Variants in MRPL57 observed in about 807,000 individuals in gnomAD.
MRPL57 encodes large ribosomal subunit protein mL63.
MRPL57 carries 1 observed loss-of-function variant against 1.3 expected under a neutral mutation model. The observed-to-expected ratio is 0.79, with a 90% CI of 0.28 to 3.75. The LOEUF (loss-of-function observed/expected upper bound fraction) is 3.75. Among genes scored for constraint, MRPL57 ranks in the 30% most tolerant of loss-of-function variants. The probability of loss-of-function intolerance (pLI) is 0.19; values close to 1 mark genes in which losing one functional copy is unlikely to be tolerated. For missense variants in MRPL57, 170 were observed against 148.9 expected, an observed-to-expected ratio of 1.14 and a Z score of -0.74; for synonymous variants, 79 against 61.7, an observed-to-expected ratio of 1.28 and a Z score of -1.31.
Position 21,177,351 on chromosome 13 carries a change from A to C in MRPL57, c.*126A>C. On this transcript the variant is annotated 3_prime_UTR_variant, in exon 2 of 2. Transcript: ENST00000309594. ...GACCAGTCTTTATTAAAACAAACAA[A>C]CATGAGTAGTCTGCATATCGAATAT... 1 of 961,230 alleles carries C rather than the reference A, an allele frequency of 1.0e-6. No individual in the cohort carries two copies. Among genetic ancestry groups the C allele is most frequent in the South Asian group, 1.5e-5 (1 of 66,256 alleles). The allele number at this position is 961,230 out of a possible 1,614,324, so 59.5% of individuals were successfully genotyped here.
Position 21,178,131 on chromosome 13 carries a change from C to T in MRPL57, c.*906C>T, listed in dbSNP as rs945196929. Reference sequence around the variant, plus strand: ...CCAGCTTGGGCAACATAGCGAGACCCTATCTAAAATAACAATAATATATGG... The same window carrying T: ...CCAGCTTGGGCAACATAGCGAGACCTTATCTAAAATAACAATAATATATGG... On this transcript the variant is annotated 3_prime_UTR_variant, in exon 2 of 2. Transcript: ENST00000309594. 2 of 164,894 alleles carry T rather than the reference C, an allele frequency of 1.2e-5. No individual in the cohort carries two copies. Among genetic ancestry groups the T allele is most frequent in the Non-Finnish European group, 2.9e-5 (2 of 68,124 alleles). The allele number at this position is 164,894 out of a possible 1,614,324, so 10.2% of individuals were successfully genotyped here.
chr13:21,176,676 G>C lies in MRPL57; in HGVS notation c.-47G>C, dbSNP rs1428767536. 1.2e-5 allele frequency: 8 copies of C among 666,590 alleles called. No homozygotes were observed. Among genetic ancestry groups the C allele is most frequent in the Non-Finnish European group, 2.0e-5 (8 of 408,492 alleles). 41.3% of individuals were successfully genotyped at this position (666,590 alleles called of 1,614,324 possible). On this transcript the variant is annotated 5_prime_UTR_variant, in exon 1 of 2. Transcript: ENST00000309594. ...CGGGTGCGCTTACGCCACGGCGTCT[G>C]CTGGCGGCCGCGGAGACGCAGAGTC...
In MRPL57 at chr13:21,177,320, C is replaced by T. The variant is rs1020948748; in HGVS notation, c.*95C>T. ...AAACTGTAGCTTGTGTGAAAATGAG[C>T]CTTTGGACCAGTCTTTATTAAAACA... On this transcript the variant is annotated 3_prime_UTR_variant, in exon 2 of 2. Transcript: ENST00000309594. The T allele has an allele frequency of 7.7e-7, 1 of 1,295,524 alleles. No individual in the cohort carries two copies. Among genetic ancestry groups the T allele is most frequent in the East Asian group, 2.4e-5 (1 of 41,288 alleles). 80.3% of individuals were successfully genotyped at this position (1,295,524 alleles called of 1,614,324 possible).
rs1595312101 is a variant in MRPL57, at chr13:21,178,192, T to A, written c.*967T>A. On this transcript the variant is annotated 3_prime_UTR_variant, in exon 2 of 2. Coordinates refer to ENST00000309594, the MANE Select transcript of MRPL57 (RefSeq NM_024026.5). ...TGGCTCACGCCTGTAATCCCAGCAC[T>A]TTGGGAGGCTGAGGCGGGCAGATCA... 6.5e-6 allele frequency: 1 copy of A among 153,928 alleles called. No individual in the cohort carries two copies. Among genetic ancestry groups the A allele is most frequent in the African/African-American group, 2.4e-5 (1 of 41,380 alleles). The allele number at this position is 153,928 out of a possible 1,614,324, so 9.5% of individuals were successfully genotyped here. A position where few individuals can be genotyped will look rare whatever the true frequency, so the allele number is the denominator to read the frequency against.
chr13:21,176,965 T>A lies in MRPL57; in HGVS notation c.49T>A (p.Trp17Arg). Residue 17 changes from tryptophan (W) to arginine (R), a missense_variant, in exon 2 of 2, where the codon TGG becomes AGG. Trp to Arg is a moderately radical substitution (Grantham distance 101). Coordinates refer to ENST00000309594, the MANE Select transcript of MRPL57 (RefSeq NM_024026.5). ...GCGCGGCCGCATTCCCGGCCGTCAG[T>A]GGATCGGGAAGCACCGGCGGCCGCG... Reference protein sequence around the residue: ...LWRGRIPGRQWIGKHRRPRFV... With the variant: ...LWRGRIPGRQRIGKHRRPRFV... 2 of 1,611,912 alleles carry A rather than the reference T, an allele frequency of 1.2e-6. No homozygotes were observed. Among genetic ancestry groups the A allele is most frequent in the Non-Finnish European group, 1.7e-6 (2 of 1,179,796 alleles).
At chr13:21,176,739 G>A in intron 1 of MRPL57, 22 bp downstream of exon 1, 1 of 714,670 alleles carries the variant, frequency 1.4e-6, no homozygotes, top group Non-Finnish European at 2.3e-6. Context: ...TGCGAATTCG[G>A]TTCTCTAGGG....
In MRPL57 at chr13:21,177,076, A is replaced by AT; in HGVS notation, c.161dup (p.Met54IlefsTer33). 6.2e-7 allele frequency: 1 copy of AT among 1,613,804 alleles called. No individual in the cohort carries two copies. Among genetic ancestry groups the AT allele is most frequent in the Non-Finnish European group, 8.5e-7 (1 of 1,179,992 alleles). On this transcript the variant is annotated frameshift_variant, in exon 2 of 2. Coordinates refer to ENST00000309594, the MANE Select transcript of MRPL57 (RefSeq NM_024026.5). LOFTEE classifies it low-confidence loss of function (END_TRUNC). ...CCATTACTGGCTGAGCATGCCCTAC[A>AT]TGACCCGGGAGCAGGAGCGCGGCCA...
In MRPL57 at chr13:21,178,231, G is replaced by T. The variant is rs888653851; in HGVS notation, c.*1006G>T. On this transcript the variant is annotated 3_prime_UTR_variant, in exon 2 of 2. Coordinates refer to ENST00000309594, the MANE Select transcript of MRPL57 (RefSeq NM_024026.5). ...GCGGGCAGATCACTTGAGGCCAGGA[G>T]TTCAAGACCAGCCCAACCAACATGG... The T allele has an allele frequency of 2.0e-5, 3 of 152,386 alleles. No homozygotes were observed. The highest frequency in any genetic ancestry group is 7.3e-5 in the African/African-American group (3 of 41,328). The allele number at this position is 152,386 out of a possible 1,614,324, so 9.4% of individuals were successfully genotyped here.
At position 21,179,067 on chromosome 13, in the gene MRPL57, A is replaced by G. The variant is rs1414491205; in HGVS notation, c.*1842A>G. 3 of 167,154 alleles carry G rather than the reference A, an allele frequency of 1.8e-5. No homozygotes were observed. Among genetic ancestry groups the G allele is most frequent in the Non-Finnish European group, 4.4e-5 (3 of 68,138 alleles). 10.4% of individuals were successfully genotyped at this position (167,154 alleles called of 1,614,324 possible). ...TTGAAGATGTTCGCTTTCAGAATAT[A>G]ATAAAAATAGTCAAAAACTTTGTGT... On this transcript the variant is annotated 3_prime_UTR_variant, in exon 2 of 2. Transcript: ENST00000309594.
Position 21,177,138 on chromosome 13 carries a change from A to G in MRPL57, c.222A>G (p.Ile74Met). The G allele has an allele frequency of 1.9e-6, 3 of 1,613,964 alleles. No individual in the cohort carries two copies. The highest frequency in any genetic ancestry group is 1.7e-6 in the Non-Finnish European group (2 of 1,180,014). ...GCAGGAGGGAGGCCTTCGAGGCCAT[A>G]AAGGCGGCCGCCACTTCCAAGTTCC... ...AVRRREAFEA[I>M]KAAATSKFPP... The change falls in exon 2 of 2, where the codon ATA becomes ATG. Residue 74 changes from isoleucine (I) to methionine (M), a missense_variant. Physicochemically the swap from Ile to Met is conservative, Grantham distance 10 (BLOSUM62 1). Coordinates refer to ENST00000309594, the MANE Select transcript of MRPL57 (RefSeq NM_024026.5).
Position 21,176,998 on chromosome 13 carries a change from T to C in MRPL57, c.82T>C (p.Ser28Pro). The part of the protein sequence containing the change: ...IGKHRRPRFV[S>P]LRAKQNMIRR... ...GAAGCACCGGCGGCCGCGGTTCGTGTCGTTGCGCGCCAAGCAGAACATGAT... is the reference window on the plus strand; with the variant it reads ...GAAGCACCGGCGGCCGCGGTTCGTGCCGTTGCGCGCCAAGCAGAACATGAT... The change falls in exon 2 of 2, where the codon TCG (serine) becomes CCG (proline). Residue 28 changes from serine (S) to proline (P), a missense_variant. Coordinates refer to ENST00000309594, the MANE Select transcript of MRPL57 (RefSeq NM_024026.5). The C allele has an allele frequency of 6.8e-6, 11 of 1,612,532 alleles. No individual in the cohort carries two copies. Among genetic ancestry groups the C allele is most frequent in the Non-Finnish European group, 9.3e-6 (11 of 1,179,910 alleles).
At position 21,179,059 on chromosome 13, in the gene MRPL57, C is replaced by A. The variant is rs1374101953; in HGVS notation, c.*1834C>A. On this transcript the variant is annotated 3_prime_UTR_variant, in exon 2 of 2. Coordinates refer to ENST00000309594, the MANE Select transcript of MRPL57 (RefSeq NM_024026.5). ...TTTACCAGTTGAAGATGTTCGCTTTCAGAATATAATAAAAATAGTCAAAAA... is the reference window on the plus strand; with the variant it reads ...TTTACCAGTTGAAGATGTTCGCTTTAAGAATATAATAAAAATAGTCAAAAA... The A allele has an allele frequency of 4.2e-5, 7 of 166,998 alleles. No individual in the cohort carries two copies. The highest frequency in any genetic ancestry group is 5.9e-5 in the Non-Finnish European group (4 of 68,122). The allele number at this position is 166,998 out of a possible 1,614,324, so 10.3% of individuals were successfully genotyped here.
In MRPL57 at chr13:21,176,666, C is replaced by A; in HGVS notation, c.-57C>A. The A allele has an allele frequency of 1.5e-6, 1 of 677,988 alleles. No individual in the cohort carries two copies. The highest frequency in any genetic ancestry group is 2.4e-6 in the Non-Finnish European group (1 of 416,812). The allele number at this position is 677,988 out of a possible 1,614,324, so 42.0% of individuals were successfully genotyped here. On this transcript the variant is annotated 5_prime_UTR_variant, in exon 1 of 2. Coordinates refer to ENST00000309594, the MANE Select transcript of MRPL57 (RefSeq NM_024026.5). Reference sequence around the variant, plus strand: ...CCCCGCGAGACGGGTGCGCTTACGCCACGGCGTCTGCTGGCGGCCGCGGAG... The same window carrying A: ...CCCCGCGAGACGGGTGCGCTTACGCAACGGCGTCTGCTGGCGGCCGCGGAG...
rs879069039 is a variant in MRPL57, at chr13:21,177,384, T to G, written c.*159T>G. 1.5e-5 allele frequency: 9 copies of G among 615,760 alleles called. No homozygotes were observed. The highest frequency in any genetic ancestry group is 2.3e-5 in the Non-Finnish European group (9 of 385,596). 38.1% of individuals were successfully genotyped at this position (615,760 alleles called of 1,614,324 possible). A position where few individuals can be genotyped will look rare whatever the true frequency, so the allele number is the denominator to read the frequency against. ...AGTCTGCATATCGAATATCTAGAGCTCTAAACCCCCAATACTTAAAAGTCT... is the reference window on the plus strand; with the variant it reads ...AGTCTGCATATCGAATATCTAGAGCGCTAAACCCCCAATACTTAAAAGTCT... On this transcript the variant is annotated 3_prime_UTR_variant, in exon 2 of 2. Transcript: ENST00000309594.
chr13:21,176,885 C>T lies in MRPL57; in HGVS notation c.-5-27C>T, dbSNP rs763655954. The stretch of plus-strand genomic sequence containing the variant: ...AGGTCCGGCCGCGCCAGTTCGCCTC[C>T]GCAAAGCCCGTCCCTCTCTTCCGCA... On this transcript the variant is annotated intron_variant, in intron 1 of 1. Coordinates refer to ENST00000309594, the MANE Select transcript of MRPL57 (RefSeq NM_024026.5). The T allele has an allele frequency of 2.5e-6, 4 of 1,592,934 alleles. No individual in the cohort carries two copies. In the African/African-American group the frequency reaches 4.0e-5, roughly 16 times the overall value.
In MRPL57 at chr13:21,177,057, C is replaced by T. The variant is rs35098697; in HGVS notation, c.141C>T (p.Tyr47=). The change falls in exon 2 of 2, where the codon TAC becomes TAT. Residue 47 remains tyrosine (Y), a synonymous_variant. Transcript: ENST00000309594. ...TGGAGATCGAGGCGGAGAACCATTA[C>T]TGGCTGAGCATGCCCTACATGACCC... ...RRLEIEAENH[Y]WLSMPYMTRE... 2.2e-5 allele frequency: 36 copies of T among 1,613,684 alleles called. No homozygotes were observed. The highest frequency in any genetic ancestry group is 3.0e-5 in the Non-Finnish European group (35 of 1,180,034).
rs750668368 is a variant in MRPL57, at chr13:21,177,178, A to C, written c.262A>C (p.Ile88Leu). 24 of 1,614,028 alleles carry C rather than the reference A, an allele frequency of 1.5e-5. No homozygotes were observed. The highest frequency in any genetic ancestry group is 1.4e-5 in the Non-Finnish European group (17 of 1,180,044). The stretch of plus-strand genomic sequence containing the variant: ...TTCCAAGTTCCCCCCGCATAGATTC[A>C]TTGCGGACCAGCTCGACCATCTCAA... ...ATSKFPPHRF[I>L]ADQLDHLNVT... The change falls in exon 2 of 2, where the codon ATT (isoleucine) becomes CTT (leucine). Residue 88 changes from isoleucine to leucine, a missense_variant. Physicochemically the swap from Ile to Leu is conservative, Grantham distance 5. Transcript: ENST00000309594.
rs1718132541 is a variant in MRPL57, at chr13:21,178,623, C to T, written c.*1398C>T. On this transcript the variant is annotated 3_prime_UTR_variant, in exon 2 of 2. Coordinates refer to ENST00000309594, the MANE Select transcript of MRPL57 (RefSeq NM_024026.5). Reference sequence around the variant, plus strand: ...ATCACCTGAGATCAGGAGTTCCAGACCAGCCTGGCCAACATGGCGAAACCC... The same window carrying T: ...ATCACCTGAGATCAGGAGTTCCAGATCAGCCTGGCCAACATGGCGAAACCC... 6.2e-6 allele frequency: 1 copy of T among 161,642 alleles called. No individual in the cohort carries two copies. 10.0% of individuals were successfully genotyped at this position (161,642 alleles called of 1,614,324 possible).
In MRPL57 at chr13:21,177,966, A is replaced by T. The variant is rs970636198; in HGVS notation, c.*741A>T. 6.0e-6 allele frequency: 1 copy of T among 166,462 alleles called. No individual in the cohort carries two copies. Among genetic ancestry groups the T allele is most frequent in the African/African-American group, 2.4e-5 (1 of 41,448 alleles). The allele number at this position is 166,462 out of a possible 1,614,324, so 10.3% of individuals were successfully genotyped here. On this transcript the variant is annotated 3_prime_UTR_variant, in exon 2 of 2. Coordinates refer to ENST00000309594, the MANE Select transcript of MRPL57 (RefSeq NM_024026.5). Reference sequence around the variant, plus strand: ...ATGCCGCTGCACTCCAGCCTGGGAGACTGCATCTCAAAAAAGAAAAATAAA... The same window carrying T: ...ATGCCGCTGCACTCCAGCCTGGGAGTCTGCATCTCAAAAAAGAAAAATAAA...
Sources: gnomAD v4.1 joint callset for allele counts on GRCh38, gnomAD v4.1.1 for gene constraint, MANE v1.5 for transcripts, NCBI Gene and HGNC (gene_info 2026-07-23, HGNC 2026-07-21) for gene names.